CFDP1: variants seen among roughly 807,000 people sequenced by gnomAD.
CFDP1 encodes the protein heterochromatin-stabilizing protein CFDP1.
CFDP1 carries 31 observed loss-of-function variants against 40.1 expected under a neutral mutation model. The observed-to-expected ratio is 0.77, with a 90% CI of 0.58 to 1.04. CFDP1 has a LOEUF of 1.04. Ranked by LOEUF, CFDP1 falls within the 50% of genes least tolerant of loss-of-function variation. The probability of loss-of-function intolerance (pLI) is 0.00; values close to 1 mark genes in which losing one functional copy is unlikely to be tolerated. For synonymous variants in CFDP1, 167 were observed against 120.0 expected (o/e 1.39, Z -2.56); for missense variants, 423 against 343.4 (o/e 1.23, Z -1.83).
rs925307341 is a variant in CFDP1, at chr16:75,396,495, C to T, written c.531-1286G>A. Among the ~76,000 whole-genome samples, 17 of 103,574 alleles carry T rather than the reference C, an allele frequency of 1.6e-4. 3 individuals are homozygous for T. The highest frequency in any genetic ancestry group is 4.9e-4 in the African/African-American group (17 of 34,730). 67.9% of individuals were successfully genotyped at this position (103,574 alleles called of 152,430 possible). On this transcript the variant is annotated intron_variant, in intron 4 of 6. Coordinates refer to ENST00000283882, the MANE Select transcript of CFDP1 (RefSeq NM_006324.3). ...TGGAGGTTGCAGTGAGCTCAGACCA[C>T]GCCACTGCACTTCAGCCTGGGCAAC...
intron 5 of CFDP1, among the ~76,000 whole-genome samples, chr16:75,382,252 T>TGA (rs2078858838): frequency 2.0e-5 from 3 of 152,172 alleles, no homozygotes; most frequent in Admixed American, 2.0e-4. Context: ...GCCAACTAAT[T>TGA]TCCTGAGTGA....
intron 1 of CFDP1, among the ~76,000 whole-genome samples, chr16:75,419,997 T>G (rs2079258854): frequency 6.6e-6 from 1 of 151,316 alleles, no homozygotes. Context: ...AACCCTCTCT[T>G]GGGGTCTGGG....
At chr16:75,372,350 G>C (rs1290813413) in intron 5 of CFDP1, 1 of 151,938 alleles carries the variant, frequency 6.6e-6, no homozygotes, top group Non-Finnish European at 1.5e-5. Flanking sequence ...CTCAACAATG[G>C]GCAGCAAAAA....
intron 4 of CFDP1, among the ~76,000 whole-genome samples, chr16:75,404,206 A>C (rs1401634594): frequency 2.6e-5 from 4 of 151,788 alleles, no homozygotes; most frequent in Admixed American, 2.0e-4. Context: ...AGGTTGCCTT[A>C]CAATGAAGAA....
intron 5 of CFDP1, among the ~76,000 whole-genome samples, chr16:75,315,601 A>T (rs933556672): frequency 7.2e-5 from 11 of 152,218 alleles, no homozygotes; most frequent in African/African-American, 2.7e-4. Context: ...AAACTGAAAG[A>T]AAAGTTGAAA....
At chr16:75,359,735 C>G (rs1237873705) in intron 5 of CFDP1, among the ~76,000 whole-genome samples, 1 of 152,154 alleles carries the variant, frequency 6.6e-6, no homozygotes. Flanking sequence ...GGAGACATAT[C>G]AGGTTTTGAA....
intron 5 of CFDP1, among the ~76,000 whole-genome samples, chr16:75,337,901 G>T (rs1017082062): frequency 2.6e-5 from 4 of 152,122 alleles, no homozygotes; most frequent in African/African-American, 7.2e-5. Flanking sequence ...GAGTTTGCTC[G>T]TTTTCCCTTT....
chr16:75,345,439 A>G (rs931494697), intron 5 of CFDP1, among the ~76,000 whole-genome samples: 4 of 152,146 alleles, frequency 2.6e-5, no homozygotes, highest in Non-Finnish European at 4.4e-5. Context: ...CCTGGGTGAC[A>G]GAGTGAGACT....
In CFDP1 at chr16:75,412,572, C is replaced by G. The variant is rs1167003522; in HGVS notation, c.365G>C (p.Gly122Ala). 1.2e-6 allele frequency: 2 copies of G among 1,614,020 alleles called. No homozygotes were observed. Among genetic ancestry groups the G allele is most frequent in the Admixed American group, 1.7e-5 (1 of 59,990 alleles). Reference protein sequence around the residue: ...ELWASFLNDVGPKSKVPPSTQ... With the variant: ...ELWASFLNDVAPKSKVPPSTQ... Reference sequence around the variant, plus strand: ...ACTTGGGGGCACTTTTGATTTTGGTCCCACATCATTGAGGAAGCTGGCCCA... The same window carrying G: ...ACTTGGGGGCACTTTTGATTTTGGTGCCACATCATTGAGGAAGCTGGCCCA... Residue 122 changes from glycine (G) to alanine (A), a missense_variant, in exon 3 of 7, where the codon GGA (glycine) becomes GCA (alanine). Coordinates refer to ENST00000283882, the MANE Select transcript of CFDP1 (RefSeq NM_006324.3).
At chr16:75,399,219 C>T (rs1397138732) in intron 4 of CFDP1, among the ~76,000 whole-genome samples, 1 of 152,080 alleles carries the variant, frequency 6.6e-6, no homozygotes, top group African/African-American at 2.4e-5. Context: ...TTTTTAAAGC[C>T]ACTAAATTTT....
In CFDP1 at chr16:75,411,887, T is replaced by C. The variant is rs1224553805; in HGVS notation, c.468A>G (p.Lys156=). The C allele has an allele frequency of 1.2e-6, 2 of 1,612,880 alleles. No homozygotes were observed. Among genetic ancestry groups the C allele is most frequent in the Non-Finnish European group, 1.7e-6 (2 of 1,179,674 alleles). The change falls in exon 4 of 7, where the codon AAA becomes AAG. Residue 156 remains lysine, a synonymous_variant. Coordinates refer to ENST00000283882, the MANE Select transcript of CFDP1 (RefSeq NM_006324.3). ...TTTTAACTTTTTCTGTTTCTTTAGG[T>C]TTCTCTAGCTCTTCTGCTTTTACCA... The part of the protein sequence containing the change: ...KLLVKAEELE[K]PKETEKVKIT...
chr16:75,364,976 A>C (rs541244589), intron 5 of CFDP1, among the ~76,000 whole-genome samples: 1 of 152,358 alleles, frequency 6.6e-6, no homozygotes, highest in South Asian at 2.1e-4. Context: ...TATTTTAAAT[A>C]GATGGGTGCT....
chr16:75,413,261 C>A (rs867718864), intron 2 of CFDP1, among the ~76,000 whole-genome samples: 2 of 151,868 alleles, frequency 1.3e-5, no homozygotes, highest in African/African-American at 4.9e-5. Flanking sequence ...GAACTGAGAG[C>A]TGGAACATAG....
At chr16:75,428,196 G>A (rs1463842576) in intron 1 of CFDP1, among the ~76,000 whole-genome samples, 5 of 151,458 alleles carry the variant, frequency 3.3e-5, no homozygotes, top group South Asian at 2.1e-4. Context: ...GTTACACAAC[G>A]CTAGGCATTT....
At chr16:75,369,177 T>G (rs1177308371) in intron 5 of CFDP1, among the ~76,000 whole-genome samples, 1 of 152,126 alleles carries the variant, frequency 6.6e-6, no homozygotes, top group Non-Finnish European at 1.5e-5. Flanking sequence ...CAGTATAGTT[T>G]TTGAACGTAA....
At chr16:75,389,984 T>C (rs1013816874) in intron 5 of CFDP1, among the ~76,000 whole-genome samples, 1 of 152,216 alleles carries the variant, frequency 6.6e-6, no homozygotes, top group Non-Finnish European at 1.5e-5. Context: ...GTATCATAAT[T>C]AAACACGTAC....
At chr16:75,392,571 C>T (rs1417616010) in intron 5 of CFDP1, among the ~76,000 whole-genome samples, 2 of 152,180 alleles carry the variant, frequency 1.3e-5, no homozygotes, top group Non-Finnish European at 2.9e-5. Flanking sequence ...AATCTCAGCT[C>T]ACTTCGACCT....
chr16:75,390,185 TG>T (rs1287096448), intron 5 of CFDP1, among the ~76,000 whole-genome samples: 2 of 152,214 alleles, frequency 1.3e-5, no homozygotes, highest in Non-Finnish European at 2.9e-5. Context: ...AGCTCCTGGT[TG>T]GCCCCTAGAT....
At chr16:75,298,670 T>G (rs940946224) in intron 6 of CFDP1, among the ~76,000 whole-genome samples, 2 of 152,022 alleles carry the variant, frequency 1.3e-5, no homozygotes, top group African/African-American at 4.8e-5. Flanking sequence ...AGAAATGCAG[T>G]TGAAAGAAGC....
Sources: gnomAD v4.1 joint callset for allele counts (sites outside exome capture counted in the v4.1 genomes callset) on GRCh38, gnomAD v4.1.1 for gene constraint, MANE v1.5 for transcripts, NCBI Gene and HGNC (gene_info 2026-07-23, HGNC 2026-07-21) for gene names.